The following PHF20 variants were observed in gnomAD, a reference collection of about 807,000 sequenced individuals.
PHF20 encodes the protein PHD finger protein 20.
Under a neutral mutation model 113.5 loss-of-function variants are expected in PHF20, and 23 were observed. The ratio of observed to expected loss-of-function variants is 0.20; its 90% CI spans 0.15 to 0.29. The LOEUF (loss-of-function observed/expected upper bound fraction) is 0.29. Among genes scored for constraint, PHF20 ranks in the 10% least tolerant of loss-of-function variants. The pLI is 1.00. For synonymous variants in PHF20, 434 were observed against 457.3 expected (o/e 0.95, Z 0.65); for missense variants, 943 against 1,219.6 (o/e 0.77, Z 3.38).
At chr20:35,897,599 C>G (rs1041550509) in intron 9 of PHF20, among the ~76,000 whole-genome samples, 2 of 129,180 alleles carry the variant, frequency 1.5e-5, no homozygotes, top group Admixed American at 8.9e-5. Flanking sequence ...CGGGGTCTTG[C>G]TCTGTCGCCC....
chr20:35,796,743 T>C (rs2041674017), intron 1 of PHF20, among the ~76,000 whole-genome samples: 1 of 152,216 alleles, frequency 6.6e-6, no homozygotes, highest in Non-Finnish European at 1.5e-5. Flanking sequence ...GCAACGACTT[T>C]GGTCAGAGAA....
chr20:35,923,665 G>A (rs904882021), intron 13 of PHF20, among the ~76,000 whole-genome samples: 7 of 152,016 alleles, frequency 4.6e-5, no homozygotes, highest in African/African-American at 1.4e-4. Context: ...AACATTCTAT[G>A]GCTAAACAAA....
At chr20:35,874,840 C>T (rs1271227617) in intron 9 of PHF20, among the ~76,000 whole-genome samples, 2 of 151,706 alleles carry the variant, frequency 1.3e-5, no homozygotes, top group African/African-American at 4.8e-5. Context: ...AATCTCAGCA[C>T]TCTGGGAGGT....
chr20:35,870,917 T>C, intron 7 of PHF20, 38 bp from the exon 8 acceptor site: 1 of 1,479,212 alleles, frequency 6.8e-7, no homozygotes, highest in Non-Finnish European at 9.1e-7. Context: ...TTTCTTCTTG[T>C]TGGTCTCTTG....
intron 1 of PHF20, among the ~76,000 whole-genome samples, chr20:35,786,469 C>T (rs758949307): frequency 2.0e-4 from 31 of 152,060 alleles, no homozygotes; most frequent in Non-Finnish European, 4.0e-4. Context: ...TTTGGGAGGC[C>T]GAGGCGGGTG....
intron 3 of PHF20, among the ~76,000 whole-genome samples, chr20:35,845,092 T>C (rs943674139): frequency 6.6e-6 from 1 of 152,174 alleles, no homozygotes; most frequent in Non-Finnish European, 1.5e-5. Context: ...TTTCTGTTTA[T>C]AGTCCTATTT....
chr20:35,934,450 T>C (rs908479836), intron 15 of PHF20, among the ~76,000 whole-genome samples: 12 of 152,238 alleles, frequency 7.9e-5, no homozygotes, highest in Non-Finnish European at 1.3e-4. Context: ...ATCCGTTGGG[T>C]TGGGAACTTT....
At chr20:35,932,596 A>G (rs2055781833) in intron 15 of PHF20, among the ~76,000 whole-genome samples, 1 of 149,468 alleles carries the variant, frequency 6.7e-6, no homozygotes, top group African/African-American at 2.5e-5. Flanking sequence ...ACACCCGGCT[A>G]ATTTTTGTAT....
In PHF20 at chr20:35,914,392, C is replaced by T. The variant is rs533379237; in HGVS notation, c.1825+195C>T. Among the ~76,000 whole-genome samples the T allele has an allele frequency of 1.4e-3, 212 of 152,248 alleles. 2 individuals are homozygous for T. The highest frequency in any genetic ancestry group is 4.9e-3 in the African/African-American group (205 of 41,544). Reference sequence around the variant, plus strand: ...TTGTAGTCTCTTAAGTGTTCAGTAGCATATGTCTAAAACAATGCATATACC... The same window carrying T: ...TTGTAGTCTCTTAAGTGTTCAGTAGTATATGTCTAAAACAATGCATATACC... On this transcript the variant is annotated intron_variant, in intron 12 of 17. Transcript: ENST00000374012.
chr20:35,829,085 C>T (rs1024523436), intron 2 of PHF20, among the ~76,000 whole-genome samples: 5 of 152,070 alleles, frequency 3.3e-5, no homozygotes, highest in African/African-American at 1.2e-4. Flanking sequence ...TGACAGGTGG[C>T]CTCAGTTCCT....
At chr20:35,846,610 A>G (rs974181883) in intron 3 of PHF20, among the ~76,000 whole-genome samples, 4 of 152,166 alleles carry the variant, frequency 2.6e-5, no homozygotes, top group African/African-American at 9.7e-5. Flanking sequence ...GTAGCCTCAT[A>G]TCTTCTGACT....
chr20:35,877,169 A>G (rs923442674), intron 9 of PHF20, among the ~76,000 whole-genome samples: 13 of 148,318 alleles, frequency 8.8e-5, no homozygotes, highest in African/African-American at 3.2e-4. Context: ...GGGCGCCTGT[A>G]ATCCTGGATA....
intron 15 of PHF20, among the ~76,000 whole-genome samples, chr20:35,936,118 G>T (rs1036493905): frequency 1.3e-5 from 2 of 152,186 alleles, no homozygotes; most frequent in African/African-American, 4.8e-5. Context: ...AGGAAGCAGA[G>T]ACTTTAATGG....
At chr20:35,845,930 C>T (rs2042616339) in intron 3 of PHF20, among the ~76,000 whole-genome samples, 1 of 151,872 alleles carries the variant, frequency 6.6e-6, no homozygotes, top group African/African-American at 2.4e-5. Flanking sequence ...CGCATCCAAC[C>T]ACACCTGGCT....
intron 2 of PHF20, among the ~76,000 whole-genome samples, chr20:35,831,827 C>T (rs541912642): frequency 6.6e-6 from 1 of 152,256 alleles, no homozygotes; most frequent in East Asian, 1.9e-4. Flanking sequence ...CCACTTGTAA[C>T]CCATTTGTGG....
At chr20:35,798,040 C>T (rs1413805392) in intron 1 of PHF20, among the ~76,000 whole-genome samples, 1 of 152,062 alleles carries the variant, frequency 6.6e-6, no homozygotes, top group African/African-American at 2.4e-5. Context: ...TTGTGAAAAA[C>T]TAAAATTTAG....
intron 2 of PHF20, among the ~76,000 whole-genome samples, chr20:35,811,149 C>T (rs561796487): frequency 9.9e-5 from 15 of 152,056 alleles, no homozygotes; most frequent in Admixed American, 2.0e-4. Context: ...AGGGTTCAAG[C>T]GATTCTCCTG....
chr20:35,870,911 T>C (rs765111511), intron 7 of PHF20, 44 bp from the exon 8 acceptor site: 63 of 1,446,140 alleles, frequency 4.4e-5, no homozygotes, highest in Non-Finnish European at 5.8e-5. Flanking sequence ...CAGTTATTTC[T>C]TCTTGTTGGT....
chr20:35,914,646 C>T (rs2147085205), intron 12 of PHF20, among the ~76,000 whole-genome samples: 1 of 152,122 alleles, frequency 6.6e-6, no homozygotes, highest in East Asian at 1.9e-4. Flanking sequence ...TATAAGAACT[C>T]AACTCAATAG....
Sources: allele counts gnomAD v4.1 joint callset (sites outside exome capture counted in the v4.1 genomes callset), GRCh38; gene constraint gnomAD v4.1.1; transcripts MANE v1.5; gene names NCBI Gene and HGNC (gene_info 2026-07-23, HGNC 2026-07-21).